The following MSH4 variants were observed in gnomAD, a reference collection of about 807,000 sequenced individuals.
MSH4 encodes the protein mutS homolog 4.
In MSH4, 106 loss-of-function variants were observed where a neutral mutation model predicts 113.7. That is an observed-to-expected ratio of 0.93 (90% confidence interval 0.80 to 1.10). The LOEUF is 1.10. MSH4 is among the 50% of genes least tolerant of loss of function. The pLI, the probability that MSH4 is intolerant of heterozygous loss-of-function variation, is 0.00. For synonymous variants in MSH4, 368 were observed against 380.2 expected, an observed-to-expected ratio of 0.97 and a Z score of 0.37; for missense variants, 1,061 against 1,093.7, an observed-to-expected ratio of 0.97 and a Z score of 0.42.
At chr1:75,879,266 A>T (rs1380787155) in intron 12 of MSH4, 138 bp downstream of exon 12, 14 of 702,718 alleles carry the variant, frequency 2.0e-5, no homozygotes, top group Admixed American at 2.0e-4. Context: ...CACCCACCTA[A>T]CTAATGTACT....
At chr1:75,838,636 C>T (rs558881088) in intron 7 of MSH4, among the ~76,000 whole-genome samples, 111 of 152,284 alleles carry the variant, frequency 7.3e-4, no homozygotes, top group South Asian at 1.5e-3. Flanking sequence ...CCTGTAATCT[C>T]CCACAGCATC....
At chr1:75,832,812 C>T (rs1411567311) in intron 7 of MSH4, among the ~76,000 whole-genome samples, 2 of 151,968 alleles carry the variant, frequency 1.3e-5, no homozygotes, top group African/African-American at 2.4e-5. Context: ...ATTTATGACA[C>T]ACCCACAGCC....
intron 12 of MSH4, among the ~76,000 whole-genome samples, chr1:75,879,788 C>A (rs900420266): frequency 2.6e-5 from 4 of 152,034 alleles, no homozygotes; most frequent in African/African-American, 9.7e-5. Flanking sequence ...ATTTTAAGAC[C>A]TATCAGAGTA....
chr1:75,810,095 G>C (rs902827461), intron 3 of MSH4, among the ~76,000 whole-genome samples: 2 of 152,042 alleles, frequency 1.3e-5, no homozygotes, highest in African/African-American at 4.8e-5. Flanking sequence ...AAGGCTGTTA[G>C]AAACTATTGT....
intron 8 of MSH4, among the ~76,000 whole-genome samples, chr1:75,865,271 A>G (rs1651538176): frequency 6.6e-6 from 1 of 152,164 alleles, no homozygotes; most frequent in South Asian, 2.1e-4. Flanking sequence ...ATAAATAGAA[A>G]TTCATAATTT....
intron 17 of MSH4, among the ~76,000 whole-genome samples, chr1:75,892,148 C>G (rs1652269704): frequency 6.6e-6 from 1 of 152,148 alleles, no homozygotes; most frequent in Admixed American, 6.5e-5. Flanking sequence ...GGAAACTCCT[C>G]CTTCCTGGCT....
intron 17 of MSH4, among the ~76,000 whole-genome samples, chr1:75,892,041 G>T (rs1652267463): frequency 6.6e-6 from 1 of 152,138 alleles, no homozygotes; most frequent in Non-Finnish European, 1.5e-5. Context: ...ATTAGAATTG[G>T]TAAACTGAGT....
At chr1:75,836,901 A>C (rs958603853) in intron 7 of MSH4, among the ~76,000 whole-genome samples, 4 of 152,166 alleles carry the variant, frequency 2.6e-5, no homozygotes, top group Non-Finnish European at 4.4e-5. Flanking sequence ...TCATGGTTTT[A>C]TGACTATTAT....
intron 1 of MSH4, among the ~76,000 whole-genome samples, chr1:75,801,760 AC>A (rs1649941725): frequency 6.6e-6 from 1 of 151,094 alleles, no homozygotes; most frequent in Non-Finnish European, 1.5e-5. Context: ...GTCCATAGTT[AC>A]TCAAGAGGCT....
chr1:75,864,627 A>T (rs1393294925), intron 8 of MSH4, among the ~76,000 whole-genome samples: 5 of 152,178 alleles, frequency 3.3e-5, no homozygotes. Flanking sequence ...GACCATTTGA[A>T]TATCTTCTTT....
At chr1:75,820,173 A>G (rs1650379311) in intron 6 of MSH4, among the ~76,000 whole-genome samples, 1 of 152,222 alleles carries the variant, frequency 6.6e-6, no homozygotes, top group Non-Finnish European at 1.5e-5. Context: ...TCTTGCTATT[A>G]TGGATGGAAT....
intron 6 of MSH4, 122 bp from the exon 7 acceptor site, chr1:75,822,287 T>C (rs1650436240): frequency 2.2e-6 from 1 of 452,360 alleles, no homozygotes; most frequent in Non-Finnish European, 3.5e-6. Flanking sequence ...AGACTCTGTT[T>C]CAAAAAAAAA....
At chr1:75,846,248 A>G (rs182076805) in intron 7 of MSH4, among the ~76,000 whole-genome samples, 1 of 152,286 alleles carries the variant, frequency 6.6e-6, no homozygotes, top group African/African-American at 2.4e-5. Flanking sequence ...TTCTTTCTAT[A>G]CTAATATTTT....
Position 75,834,258 on chromosome 1 carries a change from A to G in MSH4, c.1162+11677A>G, listed in dbSNP as rs1650777229. Among the ~76,000 whole-genome samples, 3 of 152,234 alleles carry G rather than the reference A, an allele frequency of 2.0e-5. No individual in the cohort carries two copies. The South Asian group carries it at 6.2e-4, about 32-fold the overall frequency. On this transcript the variant is annotated intron_variant, in intron 7 of 19. Coordinates refer to ENST00000263187, the MANE Select transcript of MSH4 (RefSeq NM_002440.4). ...CCATCTCACATCAGTTAGAATGGCAATCATTAAAAAGTCAGGAAATAACAA... is the reference window on the plus strand; with the variant it reads ...CCATCTCACATCAGTTAGAATGGCAGTCATTAAAAAGTCAGGAAATAACAA...
chr1:75,799,888 T>G (rs1044830223), intron 1 of MSH4, among the ~76,000 whole-genome samples: 9 of 152,100 alleles, frequency 5.9e-5, no homozygotes, highest in African/African-American at 2.2e-4. Context: ...ATGCTGAGTG[T>G]GAAAAGCCTG....
intron 6 of MSH4, among the ~76,000 whole-genome samples, 170 bp from the exon 7 acceptor site, chr1:75,822,239 A>C (rs1650433398): frequency 6.7e-6 from 1 of 149,650 alleles, no homozygotes; most frequent in African/African-American, 2.5e-5. Flanking sequence ...CAGTGAGCCG[A>C]GATCGCGCCA....
intron 19 of MSH4, among the ~76,000 whole-genome samples, chr1:75,902,121 T>C (rs887521407): frequency 2.0e-5 from 3 of 152,144 alleles, no homozygotes; most frequent in Non-Finnish European, 4.4e-5. Context: ...AGCAATGTAC[T>C]CATTTCTTGT....
intron 4 of MSH4, among the ~76,000 whole-genome samples, chr1:75,812,277 GAA>G (rs754130962): frequency 8.5e-5 from 13 of 152,194 alleles, no homozygotes; most frequent in Non-Finnish European, 1.2e-4. Flanking sequence ...TTGCAACAGA[GAA>G]AAGAGTCCAG....
At chr1:75,849,357 A>G (rs1230146296) in intron 8 of MSH4, among the ~76,000 whole-genome samples, 3 of 152,202 alleles carry the variant, frequency 2.0e-5, no homozygotes, top group African/African-American at 4.8e-5. Context: ...TCTTCCATTT[A>G]AGATGAACTG....
Sources: gnomAD v4.1 joint callset for allele counts (sites outside exome capture counted in the v4.1 genomes callset) on GRCh38, gnomAD v4.1.1 for gene constraint, MANE v1.5 for transcripts, NCBI Gene and HGNC (gene_info 2026-07-23, HGNC 2026-07-21) for gene names.